The following F11 variants were observed in gnomAD, a reference collection of about 807,000 sequenced individuals.
The protein encoded by F11 is coagualtion factor XI.
A neutral mutation model predicts 76.5 loss-of-function variants in F11; 78 were observed. That is an observed-to-expected ratio of 1.02 (90% CI 0.85 to 1.23). The LOEUF (loss-of-function observed/expected upper bound fraction) is 1.23. F11 is among the 50% of genes most tolerant of loss of function. F11 has a pLI of 0.00. For synonymous variants in F11, 278 were observed against 276.3 expected (o/e 1.01, Z -0.06); for missense variants, 742 against 771.4 (o/e 0.96, Z 0.45).
At chr4:186,282,094 A>G in intron 10 of F11, 3 of 1,178,636 alleles carry the variant, frequency 2.5e-6, no homozygotes, top group East Asian at 6.0e-5. Context: ...TTCTACTTCT[A>G]AGCGTTAGAA....
intron 10 of F11, chr4:186,283,078 C>G (rs984793162): frequency 2.1e-6 from 2 of 969,878 alleles, no homozygotes; most frequent in African/African-American, 3.5e-5. Context: ...CTGGGCACAG[C>G]ACATTGACAT....
intron 2 of F11, among the ~76,000 whole-genome samples, chr4:186,271,276 G>A (rs961011174): frequency 1.2e-4 from 19 of 152,114 alleles, no homozygotes; most frequent in African/African-American, 3.9e-4. Context: ...CAGAAGGCTC[G>A]TTCCAGACCT....
chr4:186,286,573 T>G lies in F11; in HGVS notation c.1576+63T>G, dbSNP rs1360279417. Reference sequence around the variant, plus strand: ...ATGAAGAGCGGAACCTTTTCTGCCCTGTCAAGTCATGTAGCTGAAGCACAA... The same window carrying G: ...ATGAAGAGCGGAACCTTTTCTGCCCGGTCAAGTCATGTAGCTGAAGCACAA... On this transcript the variant is annotated intron_variant, in intron 13 of 14. Coordinates refer to ENST00000403665, the MANE Select transcript of F11 (RefSeq NM_000128.4). 2.5e-6 allele frequency: 4 copies of G among 1,601,392 alleles called. No individual in the cohort carries two copies. In the South Asian group the frequency reaches 4.4e-5, roughly 18 times the overall value.
chr4:186,273,271 C>A, intron 4 of F11, 94 bp downstream of exon 4: 1 of 986,912 alleles, frequency 1.0e-6, no homozygotes, highest in Non-Finnish European at 1.6e-6. Flanking sequence ...TGAAACACTG[C>A]TATGTGGAAA....
intron 6 of F11, 117 bp from the exon 7 acceptor site, chr4:186,276,114 A>T (rs923968018): frequency 8.0e-7 from 1 of 1,253,990 alleles, no homozygotes; most frequent in East Asian, 2.5e-5. Flanking sequence ...ATAAAAAAAA[A>T]TTAAAAGATC....
intron 13 of F11, 102 bp from the exon 14 acceptor site, chr4:186,287,582 T>C (rs1230026783): frequency 9.3e-6 from 4 of 430,122 alleles, no homozygotes; most frequent in African/African-American, 7.0e-5. Flanking sequence ...AGACTCCGTC[T>C]CAATTAAAAA....
chr4:186,287,305 C>T (rs1323593661), intron 13 of F11, among the ~76,000 whole-genome samples: 4 of 151,740 alleles, frequency 2.6e-5, no homozygotes, highest in Non-Finnish European at 5.9e-5. Context: ...TGTGGCCCAG[C>T]ACCACTGGTG....
At chr4:186,270,387 G>A (rs1189787805) in intron 2 of F11, among the ~76,000 whole-genome samples, 2 of 152,032 alleles carry the variant, frequency 1.3e-5, no homozygotes, top group Non-Finnish European at 2.9e-5. Flanking sequence ...TTCCAAAATT[G>A]TTTTCCAAAA....
At chr4:186,282,472 TG>T in intron 10 of F11, 2 of 985,450 alleles carry the variant, frequency 2.0e-6, no homozygotes, top group Non-Finnish European at 2.4e-6. Context: ...TGGTCTACAA[TG>T]TAACTTAACT....
intron 7 of F11, 144 bp from the exon 8 acceptor site, chr4:186,279,868 G>A (rs564000770): frequency 2.3e-4 from 166 of 707,918 alleles, no homozygotes; most frequent in Non-Finnish European, 3.8e-4. Context: ...GTGTAACTCC[G>A]TGGTTTATGA....
intron 13 of F11, 123 bp downstream of exon 13, chr4:186,286,633 T>C: frequency 6.6e-7 from 1 of 1,526,444 alleles, no homozygotes; most frequent in Non-Finnish European, 8.8e-7. Context: ...GGAAGCGGAT[T>C]AATAAAGATG....
At chr4:186,273,244 G>T (rs1740116380) in intron 4 of F11, 67 bp downstream of exon 4, 1 of 1,246,274 alleles carries the variant, frequency 8.0e-7, no homozygotes, top group African/African-American at 1.5e-5. Flanking sequence ...ATCGGATGTG[G>T]TTTTAAGGCT....
rs905051511 is a variant in F11, at chr4:186,271,463, A to T, written c.56-146A>T. ...GAGGCTGTTCATTCAATAAACTCAC[A>T]TAAAAGTGTTTATTGCCTTGATTTC... is the stretch of plus-strand genomic sequence containing the variant. On this transcript the variant is annotated intron_variant, in intron 2 of 14. Transcript: ENST00000403665. 4 of 854,194 alleles carry T rather than the reference A, an allele frequency of 4.7e-6. No individual in the cohort carries two copies. The Admixed American group carries it at 5.7e-5, about 12-fold the overall frequency. 52.9% of individuals were successfully genotyped at this position (854,194 alleles called of 1,614,324 possible).
intron 4 of F11, among the ~76,000 whole-genome samples, chr4:186,273,861 A>C (rs1004586133): frequency 1.3e-5 from 2 of 152,264 alleles, no homozygotes; most frequent in African/African-American, 4.8e-5. Flanking sequence ...TAATCAGTGC[A>C]GTTAGGGAGA....
intron 11 of F11, among the ~76,000 whole-genome samples, 192 bp from the exon 12 acceptor site, chr4:186,285,446 A>G (rs1321585079): frequency 2.0e-5 from 3 of 151,984 alleles, no homozygotes; most frequent in African/African-American, 7.3e-5. Flanking sequence ...TTTTTTGTGT[A>G]TAATGGATTT....
intron 11 of F11, among the ~76,000 whole-genome samples, chr4:186,284,775 T>C (rs4253425): frequency 0.91 from 137,567 of 152,000 alleles, 62,421 homozygotes; most frequent in African/African-American, 0.96. Flanking sequence ...TAGTGAGACC[T>C]CGTCTCTAAA....
At chr4:186,277,666 G>C (rs911579985) in intron 7 of F11, among the ~76,000 whole-genome samples, 2 of 152,194 alleles carry the variant, frequency 1.3e-5, no homozygotes, top group Non-Finnish European at 2.9e-5. Context: ...GTGGGTTAGG[G>C]TGGTGGTGGA....
At chr4:186,278,894 A>G (rs2126751463) in intron 7 of F11, among the ~76,000 whole-genome samples, 2 of 152,348 alleles carry the variant, frequency 1.3e-5, no homozygotes, top group Middle Eastern at 6.8e-3. Flanking sequence ...GCCTTGGGAC[A>G]TTGGAAGTTT....
At position 186,287,771 on chromosome 4, in the gene F11, C is replaced by T; in HGVS notation, c.1664C>T (p.Thr555Ile). 6.2e-7 allele frequency: 1 copy of T among 1,613,564 alleles called. No homozygotes were observed. The highest frequency in any genetic ancestry group is 1.1e-5 in the South Asian group (1 of 91,056). Residue 555 changes from threonine (T) to isoleucine (I), a missense_variant, in exon 14 of 15, where the codon ACC becomes ATC. Transcript: ENST00000403665. ...CQKRYRGHKI[T>I]HKMICAGYRE... The stretch of plus-strand genomic sequence containing the variant: ...AAGAGATACAGAGGACATAAAATAA[C>T]CCATAAGATGATCTGTGCCGGCTAC...
Sources: gnomAD v4.1 joint callset for allele counts (sites outside exome capture counted in the v4.1 genomes callset) on GRCh38, gnomAD v4.1.1 for gene constraint, MANE v1.5 for transcripts, NCBI Gene and HGNC (gene_info 2026-07-23, HGNC 2026-07-21) for gene names.